The following SYNC variants were observed in gnomAD, a reference collection of about 807,000 sequenced individuals.
The protein encoded by SYNC is syncoilin, intermediate filament protein.
Under a neutral mutation model 49.5 loss-of-function variants are expected in SYNC, and 38 were observed. The observed-to-expected ratio is 0.77, with a 90% confidence interval of 0.59 to 1.01. The LOEUF is 1.01. SYNC is among the 50% of genes least tolerant of loss of function. The pLI, the probability that SYNC is intolerant of heterozygous loss-of-function variation, is 0.00. For missense variants in SYNC, 579 were observed against 580.6 expected (o/e 1.00, Z 0.03); for synonymous variants, 201 against 230.8 (o/e 0.87, Z 1.17).
At chr1:32,685,741 C>CAA (rs1400893005) in intron 2 of SYNC, 2 of 152,192 alleles carry the variant, frequency 1.3e-5, no homozygotes, top group Admixed American at 6.5e-5. Context: ...TGGTAAGGTA[C>CAA]AAAAGTACAT....
chr1:32,690,356 AG>A (rs1309135667), intron 2 of SYNC, among the ~76,000 whole-genome samples: 1 of 152,156 alleles, frequency 6.6e-6, no homozygotes, highest in Admixed American at 6.6e-5. Context: ...CTGCATCTCT[AG>A]CCCACTTTAT....
rs1650396960 is a variant in SYNC at position 32,695,710 on chromosome 1, G to T, written c.388C>A (p.Pro130Thr). The T allele has an allele frequency of 6.4e-7, 1 of 1,551,520 alleles. No homozygotes were observed. The highest frequency in any genetic ancestry group is 2.4e-5 in the East Asian group (1 of 40,878). Reference protein sequence around the residue: ...FVEGPVEPGKPTSPEHVVYEG... With the variant: ...FVEGPVEPGKTTSPEHVVYEG... Reference sequence around the variant, plus strand: ...TAAACAACGTGCTCTGGGCTTGTGGGCTTTCCTGGCTCCACGGGCCCCTCC... The same window carrying T: ...TAAACAACGTGCTCTGGGCTTGTGGTCTTTCCTGGCTCCACGGGCCCCTCC... Residue 130 changes from proline (P) to threonine (T), a missense_variant, in exon 2 of 5, where the codon CCC (proline) becomes ACC (threonine). By Grantham distance (38) the Pro-to-Thr change is conservative (BLOSUM62 -1). Transcript: ENST00000409190.
chr1:32,695,243 T>C lies in SYNC; in HGVS notation c.855A>G (p.Ser285=), dbSNP rs775781786. Residue 285 remains serine (S), a synonymous_variant, in exon 2 of 5, where the codon TCA becomes TCG. Coordinates refer to ENST00000409190, the MANE Select transcript of SYNC (RefSeq NM_030786.3). ...EVLTTRATQL[S]EELAQLRDAY... Reference sequence around the variant, plus strand: ...CATCCCGGAGCTGGGCCAGTTCCTCTGAGAGCTGGGTTGCCCTTGTAGTCA... The same window carrying C: ...CATCCCGGAGCTGGGCCAGTTCCTCCGAGAGCTGGGTTGCCCTTGTAGTCA... The C allele has an allele frequency of 3.2e-6, 5 of 1,552,272 alleles. No individual in the cohort carries two copies. Among genetic ancestry groups the C allele is most frequent in the Non-Finnish European group, 4.4e-6 (5 of 1,147,280 alleles).
chr1:32,695,752 C>T lies in SYNC; in HGVS notation c.346G>A (p.Asp116Asn). 6.4e-7 allele frequency: 1 copy of T among 1,551,662 alleles called. No individual in the cohort carries two copies. The change falls in exon 2 of 5, where the codon GAT becomes AAT. Residue 116 changes from aspartate to asparagine, a missense_variant. Asp to Asn is a conservative substitution (Grantham distance 23). Transcript: ENST00000409190. ...GGCCCCTCCACAAACTGTATCCGAT[C>T]TGGCTCCGTGGTTTCCTCCACACAC... ...TVCVEETTEP[D>N]RIQFVEGPVE...
intron 3 of SYNC, 47 bp from the exon 4 acceptor site, chr1:32,684,136 A>G: frequency 1.9e-6 from 3 of 1,607,706 alleles, no homozygotes; most frequent in Non-Finnish European, 2.5e-6. Context: ...GATAAGCACA[A>G]TTTGAAAATC....
At chr1:32,684,895 GTT>G (rs923837068) in intron 2 of SYNC, 2 of 153,236 alleles carry the variant, frequency 1.3e-5, no homozygotes, top group Admixed American at 1.3e-4. Flanking sequence ...TTAAGGAAAA[GTT>G]TTTGTGTCCA....
chr1:32,690,803 A>G (rs1269329980), intron 2 of SYNC, among the ~76,000 whole-genome samples: 2 of 151,522 alleles, frequency 1.3e-5, no homozygotes, highest in Non-Finnish European at 2.9e-5. Context: ...CACGAAAATT[A>G]GGGCCGGGCG....
rs574275577 is a variant in SYNC, at chr1:32,681,326, C to T, written c.*524G>A. 6.5e-6 allele frequency: 1 copy of T among 154,872 alleles called. No homozygotes were observed. The highest frequency in any genetic ancestry group is 1.9e-4 in the East Asian group (1 of 5,284). 9.6% of individuals were successfully genotyped at this position (154,872 alleles called of 1,614,324 possible). A position where few individuals can be genotyped will look rare whatever the true frequency, so the allele number is the denominator to read the frequency against. ...AATTTTAAGAGTAAACTATATGGGT[C>T]AGCATATCCTTGAACAAAAAGTAGA... On this transcript the variant is annotated 3_prime_UTR_variant, in exon 5 of 5. Coordinates refer to ENST00000409190, the MANE Select transcript of SYNC (RefSeq NM_030786.3).
intron 2 of SYNC, among the ~76,000 whole-genome samples, chr1:32,690,413 G>A (rs1338677611): frequency 5.9e-5 from 9 of 151,992 alleles, no homozygotes; most frequent in African/African-American, 2.2e-4. Context: ...TTGGGAGGCC[G>A]AGACGGGTGG....
intron 1 of SYNC, among the ~76,000 whole-genome samples, chr1:32,697,771 T>C (rs961813237): frequency 3.9e-5 from 6 of 152,046 alleles, no homozygotes; most frequent in African/African-American, 1.4e-4. Flanking sequence ...ATCTTTGTTA[T>C]TCCATACATG....
At chr1:32,682,768 CAAAAA>C (rs375805413) in intron 4 of SYNC, 1 of 145,764 alleles carries the variant, frequency 6.9e-6, no homozygotes, top group South Asian at 2.2e-4. Flanking sequence ...GAGACTGTCT[CAAAAA>C]AAAAAGAAAG....
chr1:32,691,195 G>GCAA (rs1650144811), intron 2 of SYNC, among the ~76,000 whole-genome samples: 7 of 147,848 alleles, frequency 4.7e-5, no homozygotes, highest in Admixed American at 2.1e-4. Context: ...TCCAGCCTGG[G>GCAA]TGACAGAGCG....
Position 32,689,235 on chromosome 1 carries a change from CTTTTTTTTTTTTTT to C in SYNC, c.1234-4867_1234-4854del, listed in dbSNP as rs71006360. ...ACAGGCGTGAGGCACCTCGCCTGGC[CTTTTTTTTTTTTTT>C]TTTTTTTTTTTTTTTGAGGTGAGTC... On this transcript the variant is annotated intron_variant, in intron 2 of 4. Coordinates refer to ENST00000409190, the MANE Select transcript of SYNC (RefSeq NM_030786.3). Among the ~76,000 whole-genome samples, 6 of 41,518 alleles carry C rather than the reference CTTTTTTTTTTTTTT, an allele frequency of 1.4e-4. 1 individual carries two copies. Among genetic ancestry groups the C allele is most frequent in the Non-Finnish European group, 2.0e-4 (4 of 20,370 alleles). The allele number at this position is 41,518 out of a possible 152,430, so 27.2% of individuals were successfully genotyped here.
intron 1 of SYNC, among the ~76,000 whole-genome samples, chr1:32,697,253 C>G (rs1650474712): frequency 6.6e-6 from 1 of 150,704 alleles, no homozygotes; most frequent in African/African-American, 2.4e-5. Context: ...ACCAGCCTGA[C>G]CAACATGGAG....
In SYNC at chr1:32,692,049, G is replaced by A. The variant is rs552429056; in HGVS notation, c.1233+2816C>T. On this transcript the variant is annotated intron_variant, in intron 2 of 4. Coordinates refer to ENST00000409190, the MANE Select transcript of SYNC (RefSeq NM_030786.3). ...AGATGGAGACCATCCTGGCTAACAC[G>A]GTGAAACCCCGTCTCTATTAAAAAT... 1.2e-3 allele frequency among the ~76,000 whole-genome samples: 182 copies of A among 152,086 alleles called. 1 individual carries two copies. The highest frequency in any genetic ancestry group is 1.2e-3 in the Non-Finnish European group (81 of 68,020).
At position 32,681,868 on chromosome 1, in the gene SYNC, G is replaced by T; in HGVS notation, c.1439-8C>A. ...TATATTTCTAAACAGCCCCTGTAAA[G>T]TTGAAAGAAAAAGTTTATAACAGTG... On this transcript the variant is annotated splice_region_variant and splice_polypyrimidine_tract_variant and intron_variant, in intron 4 of 4. Transcript: ENST00000409190. The T allele has an allele frequency of 1.2e-6, 2 of 1,613,944 alleles. No homozygotes were observed. Among genetic ancestry groups the T allele is most frequent in the Admixed American group, 1.7e-5 (1 of 59,990 alleles).
rs1649398661 is a variant in SYNC at position 32,681,017 on chromosome 1, C to T, written c.*833G>A. On this transcript the variant is annotated 3_prime_UTR_variant, in exon 5 of 5. Transcript: ENST00000409190. ...AACCTTTTCTCAGAGGTTTTATTTC[C>T]CCAGTATGTTTTTCACTGGGGCCTT... 6.5e-6 allele frequency: 1 copy of T among 153,538 alleles called. No individual in the cohort carries two copies. 9.5% of individuals were successfully genotyped at this position (153,538 alleles called of 1,614,324 possible). A position where few individuals can be genotyped will look rare whatever the true frequency, so the allele number is the denominator to read the frequency against.
intron 2 of SYNC, among the ~76,000 whole-genome samples, chr1:32,688,203 C>G (rs966733193): frequency 1.3e-5 from 2 of 152,080 alleles, no homozygotes; most frequent in Non-Finnish European, 2.9e-5. Context: ...CTAGATTGTT[C>G]AGGAGTTACA....
chr1:32,679,972 A>G lies in SYNC; in HGVS notation c.*1878T>C. The stretch of plus-strand genomic sequence containing the variant: ...AAGTAGCTACAGAAAGGGGAATATT[A>G]TGTGTGATTATTTTTCTTCTTATGC... On this transcript the variant is annotated 3_prime_UTR_variant, in exon 5 of 5. Coordinates refer to ENST00000409190, the MANE Select transcript of SYNC (RefSeq NM_030786.3). 4 of 1,219,258 alleles carry G rather than the reference A, an allele frequency of 3.3e-6. No homozygotes were observed. The highest frequency in any genetic ancestry group is 4.1e-6 in the Non-Finnish European group (4 of 978,962). The allele number at this position is 1,219,258 out of a possible 1,614,324, so 75.5% of individuals were successfully genotyped here.
Sources: allele counts gnomAD v4.1 joint callset (sites outside exome capture counted in the v4.1 genomes callset), GRCh38; gene constraint gnomAD v4.1.1; transcripts MANE v1.5; gene names NCBI Gene and HGNC (gene_info 2026-07-23, HGNC 2026-07-21).